Variants in HNRNPLL observed in about 807,000 individuals in gnomAD.
The protein encoded by HNRNPLL is heterogeneous nuclear ribonucleoprotein L like.
In HNRNPLL, 25 loss-of-function variants were observed where a neutral mutation model predicts 67.1. The ratio of observed to expected loss-of-function variants is 0.37; its 90% CI spans 0.27 to 0.52. HNRNPLL has a LOEUF of 0.52. Ranked by LOEUF, HNRNPLL falls within the 20% of genes least tolerant of loss-of-function variation. The pLI, the probability that HNRNPLL is intolerant of heterozygous loss-of-function variation, is 0.90. For missense variants in HNRNPLL, 542 were observed against 673.9 expected (o/e 0.80, Z 2.17); for synonymous variants, 267 against 241.7 (o/e 1.10, Z -0.97).
chr2:38,602,334 C>T, intron 1 of HNRNPLL, 104 bp downstream of exon 1: 2 of 1,128,614 alleles, frequency 1.8e-6, no homozygotes, highest in Non-Finnish European at 2.5e-6. Context: ...AACGGGTCGG[C>T]GCAGCGGAAA....
chr2:38,566,836 T>A (rs530808325), intron 12 of HNRNPLL, among the ~76,000 whole-genome samples: 122 of 145,656 alleles, frequency 8.4e-4, no homozygotes, highest in African/African-American at 2.5e-3. Flanking sequence ...AAAAAAAAAA[T>A]TAAAAATAAA....
At chr2:38,585,157 T>C (rs996096187) in intron 3 of HNRNPLL, among the ~76,000 whole-genome samples, 2 of 152,176 alleles carry the variant, frequency 1.3e-5, no homozygotes, top group Non-Finnish European at 2.9e-5. Context: ...CAAATCCTTT[T>C]TAAAACTTCT....
chr2:38,599,678 T>A (rs985721875), intron 1 of HNRNPLL, among the ~76,000 whole-genome samples: 7 of 152,336 alleles, frequency 4.6e-5, no homozygotes, highest in African/African-American at 1.7e-4. Flanking sequence ...TTCAACATAA[T>A]GATCACTCAC....
At chr2:38,581,550 G>C (rs1237173840) in intron 6 of HNRNPLL, 1 of 313,430 alleles carries the variant, frequency 3.2e-6, no homozygotes, top group East Asian at 5.5e-5. Context: ...CGTCCAGCTT[G>C]GGGGAAAGTC....
At chr2:38,567,480 G>T (rs765855826) in intron 12 of HNRNPLL, among the ~76,000 whole-genome samples, 10 of 152,088 alleles carry the variant, frequency 6.6e-5, no homozygotes, top group Non-Finnish European at 1.5e-4. Flanking sequence ...AAGACAAAAG[G>T]TTGGAGGTTG....
chr2:38,595,633 C>T (rs544010508), intron 1 of HNRNPLL, among the ~76,000 whole-genome samples: 60 of 152,240 alleles, frequency 3.9e-4, no homozygotes, highest in African/African-American at 1.4e-3. Flanking sequence ...TACCTGAGGT[C>T]AGGAGTTTGA....
chr2:38,587,699 T>C (rs1306862106), intron 2 of HNRNPLL, among the ~76,000 whole-genome samples: 4 of 152,214 alleles, frequency 2.6e-5, no homozygotes, highest in Non-Finnish European at 4.4e-5. Context: ...AATGTATTAC[T>C]GAGTTTATGT....
chr2:38,598,463 C>G lies in HNRNPLL; in HGVS notation c.189+3975G>C, dbSNP rs1054867042. Among the ~76,000 whole-genome samples the G allele has an allele frequency of 5.9e-5, 9 of 152,208 alleles. No homozygotes were observed. In the East Asian group the frequency reaches 1.7e-3, roughly 29 times the overall value. The stretch of plus-strand genomic sequence containing the variant: ...GCCAATAAATCTTCTACCCCGCTCC[C>G]TTTTTGTTTTCCTTAAGCTCATCTG... On this transcript the variant is annotated intron_variant, in intron 1 of 12. Coordinates refer to ENST00000449105, the MANE Select transcript of HNRNPLL (RefSeq NM_138394.4).
rs373459255 is a variant in HNRNPLL at position 38,592,095 on chromosome 2, A to C, written c.190-447T>G. On this transcript the variant is annotated intron_variant, in intron 1 of 12. Transcript: ENST00000449105. ...CAAATCGCAATTCACAAGTTAGCAAAAGGATATGAGAATAAAATAAATGTT... is the reference window on the plus strand; with the variant it reads ...CAAATCGCAATTCACAAGTTAGCAACAGGATATGAGAATAAAATAAATGTT... 2.8e-4 allele frequency among the ~76,000 whole-genome samples: 42 copies of C among 152,358 alleles called. 2 individuals carry two copies. In the South Asian group the frequency reaches 8.5e-3, roughly 31 times the overall value.
At position 38,563,051 on chromosome 2, in the gene HNRNPLL, T is replaced by A. The variant is rs916313845; in HGVS notation, c.*1131A>T. ...TAAAGATGAAAACAAAATGGCCACA[T>A]CAGTTTTTCTATTGTAAAAAAGCTG... On this transcript the variant is annotated 3_prime_UTR_variant, in exon 13 of 13. Coordinates refer to ENST00000449105, the MANE Select transcript of HNRNPLL (RefSeq NM_138394.4). 2 of 152,054 alleles carry A rather than the reference T, an allele frequency of 1.3e-5. No individual in the cohort carries two copies. Among genetic ancestry groups the A allele is most frequent in the African/African-American group, 4.8e-5 (2 of 41,436 alleles). 9.4% of individuals were successfully genotyped at this position (152,054 alleles called of 1,614,324 possible). A position where few individuals can be genotyped will look rare whatever the true frequency, so the allele number is the denominator to read the frequency against.
At chr2:38,566,380 C>CAAAAAAAAAAA (rs71402235) in intron 12 of HNRNPLL, among the ~76,000 whole-genome samples, 1 of 119,148 alleles carries the variant, frequency 8.4e-6, no homozygotes, top group Non-Finnish European at 1.8e-5. Context: ...AAAAAAAAAC[C>CAAAAAAAAAAA]AAAAAAAAAA....
At chr2:38,564,508 T>A (rs1394579675) in intron 12 of HNRNPLL, among the ~76,000 whole-genome samples, 1 of 148,546 alleles carries the variant, frequency 6.7e-6, no homozygotes, top group African/African-American at 2.5e-5. Flanking sequence ...TAGTCCCAGC[T>A]ACTCAGGAGG....
intron 4 of HNRNPLL, among the ~76,000 whole-genome samples, chr2:38,582,744 GC>G (rs1666583108): frequency 6.6e-6 from 1 of 151,858 alleles, no homozygotes; most frequent in African/African-American, 2.4e-5. Context: ...ACATGGTGAA[GC>G]CCCATCTCTA....
chr2:38,590,997 C>G (rs1666939383), intron 2 of HNRNPLL, among the ~76,000 whole-genome samples: 1 of 152,078 alleles, frequency 6.6e-6, no homozygotes, highest in Admixed American at 6.5e-5. Flanking sequence ...AGAGAGAGAC[C>G]CTGTCTCAAA....
At position 38,562,069 on chromosome 2, in the gene HNRNPLL, T is replaced by C. The variant is rs774401855; in HGVS notation, c.*2113A>G. 1.3e-5 allele frequency: 2 copies of C among 152,198 alleles called. No homozygotes were observed. Among genetic ancestry groups the C allele is most frequent in the Non-Finnish European group, 2.9e-5 (2 of 68,016 alleles). The allele number at this position is 152,198 out of a possible 1,614,324, so 9.4% of individuals were successfully genotyped here. ...TTTTTTAAAAACTCAAAGCTAGTAT[T>C]ATTTCTTTACAGTTCTTAAATCTGC... On this transcript the variant is annotated 3_prime_UTR_variant, in exon 13 of 13. Coordinates refer to ENST00000449105, the MANE Select transcript of HNRNPLL (RefSeq NM_138394.4).
At chr2:38,601,210 G>T (rs763428460) in intron 1 of HNRNPLL, among the ~76,000 whole-genome samples, 1 of 152,178 alleles carries the variant, frequency 6.6e-6, no homozygotes, top group Non-Finnish European at 1.5e-5. Context: ...TAACAAGACT[G>T]AGAGAAAAAG....
chr2:38,582,455 T>G (rs2148360028), intron 4 of HNRNPLL, among the ~76,000 whole-genome samples: 3 of 152,088 alleles, frequency 2.0e-5, no homozygotes, highest in African/African-American at 7.2e-5. Flanking sequence ...GGACTACAGG[T>G]GTGTGCCACC....
intron 6 of HNRNPLL, chr2:38,577,855 A>G: frequency 2.1e-6 from 1 of 475,656 alleles, no homozygotes; most frequent in South Asian, 1.6e-5. Context: ...GACACTGTAC[A>G]GAAGTTTTTA....
chr2:38,581,193 GCA>G (rs1406906767), intron 6 of HNRNPLL: 3 of 152,198 alleles, frequency 2.0e-5, no homozygotes, highest in African/African-American at 7.2e-5. Context: ...AATCTAAGCT[GCA>G]CACAGTCACA....
Sources: gnomAD v4.1 joint callset for allele counts (sites outside exome capture counted in the v4.1 genomes callset) on GRCh38, gnomAD v4.1.1 for gene constraint, MANE v1.5 for transcripts, NCBI Gene and HGNC (gene_info 2026-07-23, HGNC 2026-07-21) for gene names.